Variants in ATAD2B observed in about 807,000 individuals in gnomAD.
ATAD2B encodes ATPase family AAA domain containing 2B, also known as ATPase family AAA domain-containing protein 2B.
In ATAD2B, 40 loss-of-function variants were observed where a neutral mutation model predicts 167.6. The observed-to-expected ratio is 0.24, with a 90% CI of 0.19 to 0.31. The LOEUF (loss-of-function observed/expected upper bound fraction) is 0.31, where lower values mean the gene tolerates loss of function less well. Among genes scored for constraint, ATAD2B ranks in the 10% least tolerant of loss-of-function variants. The pLI, the probability that ATAD2B is intolerant of heterozygous loss-of-function variation, is 1.00. For synonymous variants in ATAD2B, 579 were observed against 596.5 expected (o/e 0.97, Z 0.43); for missense variants, 1,242 against 1,757.2 (o/e 0.71, Z 5.24).
intron 12 of ATAD2B, among the ~76,000 whole-genome samples, chr2:23,861,237 T>C (rs1694311273): frequency 6.6e-6 from 1 of 151,584 alleles, no homozygotes. Flanking sequence ...ATAAATATTT[T>C]GTGTCTTCTC....
At chr2:23,709,469 C>A in the ATAD2B span, among the ~76,000 whole-genome samples, 8 of 152,204 alleles carry the variant, frequency 5.3e-5, no homozygotes, top group Non-Finnish European at 1.0e-4. Flanking sequence ...GCGTGCCAGG[C>A]TCCCTGGGGA....
intron 22 of ATAD2B, 132 bp downstream of exon 22, chr2:23,782,737 C>T (rs1685372686): frequency 1.6e-6 from 1 of 628,388 alleles, no homozygotes; most frequent in African/African-American, 1.9e-5. Flanking sequence ...CTATGAGCTT[C>T]TTATTGAGAA....
intron 2 of ATAD2B, among the ~76,000 whole-genome samples, chr2:23,891,168 C>T (rs1400491564): frequency 6.6e-6 from 1 of 151,838 alleles, no homozygotes; most frequent in Non-Finnish European, 1.5e-5. Flanking sequence ...TTACAGGCAC[C>T]CGCCATCATG....
chr2:23,793,060 T>C (rs1682064668), intron 19 of ATAD2B, among the ~76,000 whole-genome samples: 1 of 151,360 alleles, frequency 6.6e-6, no homozygotes, highest in Non-Finnish European at 1.5e-5. Context: ...ATATTAATAT[T>C]AAAACAGTTC....
the ATAD2B span, among the ~76,000 whole-genome samples, chr2:23,722,793 T>G: frequency 0.69 from 104,529 of 151,928 alleles, 36,872 homozygotes; most frequent in East Asian, 0.85. Context: ...ATTGACAAAA[T>G]TTAAAAAAGA....
chr2:23,882,332 A>G (rs1698036380), intron 6 of ATAD2B, among the ~76,000 whole-genome samples: 1 of 151,810 alleles, frequency 6.6e-6, no homozygotes, highest in African/African-American at 2.4e-5. Flanking sequence ...AGTAGCTGCG[A>G]TTACAGGCGT....
intron 7 of ATAD2B, among the ~76,000 whole-genome samples, chr2:23,878,024 A>AAAAG (rs1573202338): frequency 2.8e-5 from 4 of 143,516 alleles, no homozygotes; most frequent in South Asian, 4.5e-4. Flanking sequence ...GAAAAAAAAA[A>AAAAG]AAAAAAAAAA....
At chr2:23,853,713 T>G (rs1438401350) in intron 13 of ATAD2B, among the ~76,000 whole-genome samples, 2 of 152,156 alleles carry the variant, frequency 1.3e-5, no homozygotes. Context: ...TTTAGAAATG[T>G]AAATGGAAAG....
intron 2 of ATAD2B, among the ~76,000 whole-genome samples, chr2:23,889,812 G>C (rs1412481594): frequency 6.6e-6 from 1 of 151,606 alleles, no homozygotes; most frequent in Non-Finnish European, 1.5e-5. Context: ...CCAGCTACTC[G>C]GGAGGCTGAG....
intron 1 of ATAD2B, among the ~76,000 whole-genome samples, chr2:23,925,899 G>C (rs148860888): frequency 3.7e-4 from 57 of 152,282 alleles, no homozygotes; most frequent in African/African-American, 1.3e-3. Context: ...TGACCTGAAA[G>C]CTCTGGTTCC....
rs1283016862 is a variant in ATAD2B, at chr2:23,878,010, C to CAAAAAAAAAAAAAAAAAAAAAAAAAAA, written c.902-2107_902-2106insTTTTTTTTTTTTTTTTTTTTTTTTTTT. On this transcript the variant is annotated intron_variant, in intron 7 of 27. Coordinates refer to ENST00000238789, the MANE Select transcript of ATAD2B (RefSeq NM_017552.4). ...ACTCCAGCCTGGATGACCCTATCTC[C>CAAAAAAAAAAAAAAAAAAAAAAAAAAA]AAAGAAAAAAAAAAAAAAAAAAAAA... Among the ~76,000 whole-genome samples, 26 of 28,608 alleles carry CAAAAAAAAAAAAAAAAAAAAAAAAAAA rather than the reference C, an allele frequency of 9.1e-4. 9 individuals carry two copies. The highest frequency in any genetic ancestry group is 4.0e-3 in the East Asian group (3 of 758). The allele number at this position is 28,608 out of a possible 152,430, so 18.8% of individuals were successfully genotyped here. A position where few individuals can be genotyped will look rare whatever the true frequency, so the allele number is the denominator to read the frequency against.
chr2:23,757,607 C>T lies in ATAD2B; in HGVS notation c.3889G>A (p.Asp1297Asn), dbSNP rs1474468083. ...NGKLEVVSFCDSGDKCSSEQK... is the reference protein window; with the variant it reads ...NGKLEVVSFCNSGDKCSSEQK... ...TCAGAACTACATTTATCTCCACTAT[C>T]ACAGAAAGAAACTACTTCAAGCTTG... The change falls in exon 25 of 28, where the codon GAT becomes AAT. Residue 1297 changes from aspartate (D) to asparagine (N), a missense_variant. By Grantham distance (23) the Asp-to-Asn change is conservative (BLOSUM62 1). Transcript: ENST00000238789. The T allele has an allele frequency of 6.2e-7, 1 of 1,613,784 alleles. No homozygotes were observed. Among genetic ancestry groups the T allele is most frequent in the Admixed American group, 1.7e-5 (1 of 60,016 alleles).
chr2:23,878,831 A>G (rs1697434853), intron 7 of ATAD2B, among the ~76,000 whole-genome samples: 1 of 152,184 alleles, frequency 6.6e-6, no homozygotes, highest in South Asian at 2.1e-4. Flanking sequence ...AAACTCAATA[A>G]TAAGAAAACA....
chr2:23,794,870 T>C (rs972525237), intron 19 of ATAD2B, among the ~76,000 whole-genome samples: 5 of 152,088 alleles, frequency 3.3e-5, no homozygotes, highest in Admixed American at 3.3e-4. Context: ...AATGCTAATG[T>C]TTTCCCCAGT....
chr2:23,719,891 A>G, the ATAD2B span, among the ~76,000 whole-genome samples: 1 of 152,220 alleles, frequency 6.6e-6, no homozygotes, highest in Admixed American at 6.5e-5. Context: ...ATGAGACACC[A>G]AAGCAAATGT....
chr2:23,742,566 A>C, the ATAD2B span, among the ~76,000 whole-genome samples: 17 of 82,930 alleles, frequency 2.0e-4, no homozygotes, highest in Admixed American at 3.2e-4. Context: ...GGGTGGGGGG[A>C]GGGGGGAGGG....
intron 15 of ATAD2B, among the ~76,000 whole-genome samples, chr2:23,828,534 T>C (rs965763620): frequency 6.6e-6 from 1 of 152,210 alleles, no homozygotes; most frequent in Non-Finnish European, 1.5e-5. Context: ...AAGCTTATTT[T>C]TCTTAGTAAA....
At chr2:23,883,630 T>C in intron 6 of ATAD2B, 1 of 1,292,906 alleles carries the variant, frequency 7.7e-7, no homozygotes, top group South Asian at 1.3e-5. Flanking sequence ...AATTTAGAGG[T>C]TCTAGCTGTA....
At chr2:23,709,302 A>G in the ATAD2B span, among the ~76,000 whole-genome samples, 1 of 152,154 alleles carries the variant, frequency 6.6e-6, no homozygotes, top group Non-Finnish European at 1.5e-5. Context: ...TCAGCCTCCG[A>G]AAGTGCTGGG....
Sources: allele counts gnomAD v4.1 joint callset (sites outside exome capture counted in the v4.1 genomes callset), GRCh38; gene constraint gnomAD v4.1.1; transcripts MANE v1.5; gene names NCBI Gene and HGNC (gene_info 2026-07-23, HGNC 2026-07-21).